The following RIC1 variants were observed in gnomAD, a reference collection of about 807,000 sequenced individuals.
RIC1 encodes the protein RIC1 partner of RAB6A GEF complex.
A neutral mutation model predicts 169.0 loss-of-function variants in RIC1; 88 were observed. The observed-to-expected ratio is 0.52, with a 90% CI of 0.44 to 0.62. RIC1 has a LOEUF of 0.62. Ranked by LOEUF, RIC1 falls within the 20% of genes least tolerant of loss-of-function variation. The pLI is 0.00. For synonymous variants in RIC1, 790 were observed against 601.5 expected, an observed-to-expected ratio of 1.31 and a Z score of -4.59; for missense variants, 1,877 against 1,725.5, an observed-to-expected ratio of 1.09 and a Z score of -1.56.
intron 8 of RIC1, among the ~76,000 whole-genome samples, chr9:5,739,947 AT>A (rs1824971909): frequency 6.6e-6 from 1 of 152,188 alleles, no homozygotes; most frequent in South Asian, 2.1e-4. Context: ...AGCCACTCAA[AT>A]GATAAGAGTT....
chr9:5,650,957 G>A (rs554853768), intron 1 of RIC1, among the ~76,000 whole-genome samples: 18 of 152,328 alleles, frequency 1.2e-4, no homozygotes, highest in African/African-American at 3.1e-4. Flanking sequence ...GGACTCTTGT[G>A]CTCAAGGGCA....
intron 3 of RIC1, among the ~76,000 whole-genome samples, chr9:5,711,494 G>A (rs1822922509): frequency 1.3e-5 from 2 of 151,922 alleles, no homozygotes; most frequent in South Asian, 2.1e-4. Flanking sequence ...TTAACTCAGA[G>A]CTGTTATTTT....
At chr9:5,738,639 A>G (rs937987732) in intron 8 of RIC1, 101 bp downstream of exon 8, 11 of 622,368 alleles carry the variant, frequency 1.8e-5, no homozygotes, top group South Asian at 5.8e-5. Flanking sequence ...ATGTCATGCT[A>G]TAGGTCAAAT....
At chr9:5,738,763 C>G (rs1824892873) in intron 8 of RIC1, among the ~76,000 whole-genome samples, 1 of 151,960 alleles carries the variant, frequency 6.6e-6, no homozygotes. Context: ...AAGTTTTCTG[C>G]TTGTATAAAT....
intron 1 of RIC1, among the ~76,000 whole-genome samples, chr9:5,642,220 T>C (rs1818285456): frequency 6.9e-6 from 1 of 145,258 alleles, no homozygotes. Flanking sequence ...TCTTTTCTGT[T>C]ACTTTCTTCC....
At chr9:5,749,759 C>T (rs975226234) in intron 12 of RIC1, among the ~76,000 whole-genome samples, 61 of 108,394 alleles carry the variant, frequency 5.6e-4, no homozygotes, top group Non-Finnish European at 8.7e-4. Context: ...GCAGTAAAGG[C>T]GGTGCTTTTT....
intron 2 of RIC1, among the ~76,000 whole-genome samples, chr9:5,680,822 T>TTTTC (rs1586934894): frequency 9.0e-6 from 1 of 110,894 alleles, no homozygotes; most frequent in East Asian, 2.5e-4. Flanking sequence ...TTGATTTTTT[T>TTTTC]TTTTTTTTTT....
At chr9:5,719,143 C>G (rs1054767664) in intron 4 of RIC1, 1 of 152,068 alleles carries the variant, frequency 6.6e-6, no homozygotes, top group Non-Finnish European at 1.5e-5. Context: ...ATCTTACTTC[C>G]TTGGCTTTCT....
intron 2 of RIC1, among the ~76,000 whole-genome samples, chr9:5,671,465 AG>A (rs1420297985): frequency 6.6e-6 from 1 of 151,944 alleles, no homozygotes; most frequent in Non-Finnish European, 1.5e-5. Flanking sequence ...TAGTAGCGAC[AG>A]GGTTTTGCCA....
chr9:5,762,807 A>AG, intron 18 of RIC1, 147 bp downstream of exon 18: 1 of 1,045,544 alleles, frequency 9.6e-7, no homozygotes, highest in African/African-American at 1.6e-5. Flanking sequence ...TCTGGGTGTA[A>AG]GACTGACTGA....
At chr9:5,722,946 C>A (rs1823702973) in intron 6 of RIC1, among the ~76,000 whole-genome samples, 1 of 152,198 alleles carries the variant, frequency 6.6e-6, no homozygotes, top group African/African-American at 2.4e-5. Context: ...TTTTCTTAAT[C>A]CAGTCTGTCA....
At chr9:5,682,596 T>G (rs1199210562) in intron 2 of RIC1, among the ~76,000 whole-genome samples, 1 of 152,202 alleles carries the variant, frequency 6.6e-6, no homozygotes, top group Non-Finnish European at 1.5e-5. Context: ...TTAACATTTT[T>G]TCCTTCATTT....
At chr9:5,703,441 C>T (rs141033106) in intron 3 of RIC1, among the ~76,000 whole-genome samples, 305 of 152,302 alleles carry the variant, frequency 2.0e-3, no homozygotes, top group African/African-American at 6.8e-3. Flanking sequence ...TACATCACTC[C>T]AGGCAGAAAC....
intron 8 of RIC1, among the ~76,000 whole-genome samples, chr9:5,741,740 G>C (rs1825093741): frequency 6.6e-6 from 1 of 152,062 alleles, no homozygotes. Flanking sequence ...TTCTGTGTCT[G>C]TTAATCCCAA....
intron 3 of RIC1, among the ~76,000 whole-genome samples, chr9:5,708,653 C>T (rs993844774): frequency 6.6e-6 from 1 of 152,114 alleles, no homozygotes; most frequent in Admixed American, 6.5e-5. Flanking sequence ...TGAGGAGTCA[C>T]ATACATCTCT....
At chr9:5,743,595 C>A in intron 9 of RIC1, 94 bp from the exon 10 acceptor site, 3 of 1,000,204 alleles carry the variant, frequency 3.0e-6, no homozygotes, top group Non-Finnish European at 4.6e-6. Context: ...TTTAAAGGAG[C>A]AAAATCCGTT....
At position 5,762,420 on chromosome 9, in the gene RIC1, A is replaced by G. The variant is rs141750376; in HGVS notation, c.1993-121A>G. On this transcript the variant is annotated intron_variant, in intron 17 of 25. Coordinates refer to ENST00000414202, the MANE Select transcript of RIC1 (RefSeq NM_020829.4). ...ACAGAGCCTAGCAGAATGGCTGTACATAGTACAACCTCAATAAATAATGTA... is the reference window on the plus strand; with the variant it reads ...ACAGAGCCTAGCAGAATGGCTGTACGTAGTACAACCTCAATAAATAATGTA... 7.3e-6 allele frequency: 9 copies of G among 1,231,416 alleles called. No individual in the cohort carries two copies. The African/African-American group carries it at 1.1e-4, about 14-fold the overall frequency. The allele number at this position is 1,231,416 out of a possible 1,614,324, so 76.3% of individuals were successfully genotyped here. A position where few individuals can be genotyped will look rare whatever the true frequency, so the allele number is the denominator to read the frequency against.
intron 2 of RIC1, among the ~76,000 whole-genome samples, chr9:5,673,535 G>GAGATATATATATATATATAT (rs1554663215): frequency 8.4e-6 from 1 of 119,304 alleles, no homozygotes; most frequent in Admixed American, 8.4e-5. Context: ...AACATAAGGA[G>GAGATATATATATATATATAT]ATATATATAT....
chr9:5,668,715 G>T (rs1586912392), intron 2 of RIC1, among the ~76,000 whole-genome samples: 3 of 151,846 alleles, frequency 2.0e-5, no homozygotes, highest in Non-Finnish European at 4.4e-5. Context: ...TTTATCTTCA[G>T]AATTTTTTCA....
Sources: allele counts gnomAD v4.1 joint callset (sites outside exome capture counted in the v4.1 genomes callset), GRCh38; gene constraint gnomAD v4.1.1; transcripts MANE v1.5; gene names NCBI Gene and HGNC (gene_info 2026-07-23, HGNC 2026-07-21).